The following KIF3C variants were observed in gnomAD, a reference collection of about 807,000 sequenced individuals.
The protein encoded by KIF3C is kinesin-like protein KIF3C.
In KIF3C, 12 loss-of-function variants were observed where a neutral mutation model predicts 67.7. The observed-to-expected ratio is 0.18, with a 90% CI of 0.11 to 0.29. The LOEUF (loss-of-function observed/expected upper bound fraction) is 0.29. KIF3C is among the 10% of genes least tolerant of loss of function. The pLI is 1.00. For missense variants in KIF3C, 789 were observed against 1,059.6 expected, an observed-to-expected ratio of 0.74 and a Z score of 3.55; for synonymous variants, 393 against 426.2, an observed-to-expected ratio of 0.92 and a Z score of 0.96.
In KIF3C at chr2:25,969,724, G is replaced by T. The variant is rs7566685; in HGVS notation, c.1545+10649C>A. 2.4e-3 allele frequency among the ~76,000 whole-genome samples: 225 copies of T among 95,300 alleles called. 2 individuals are homozygous for T. Among genetic ancestry groups the T allele is most frequent in the African/African-American group, 4.5e-3 (109 of 24,176 alleles). The allele number at this position is 95,300 out of a possible 152,430, so 62.5% of individuals were successfully genotyped here. On this transcript the variant is annotated intron_variant, in intron 1 of 7. Coordinates refer to ENST00000264712, the MANE Select transcript of KIF3C (RefSeq NM_002254.8). ...ACTTAAAAAGATTTGTTGGGTTTTTGTTTTTTTTTTTTAAGACAGAGTCTC... is the reference window on the plus strand; with the variant it reads ...ACTTAAAAAGATTTGTTGGGTTTTTTTTTTTTTTTTTTAAGACAGAGTCTC...
At chr2:25,967,326 G>C (rs1386838455) in intron 1 of KIF3C, among the ~76,000 whole-genome samples, 1 of 152,130 alleles carries the variant, frequency 6.6e-6, no homozygotes, top group Non-Finnish European at 1.5e-5. Context: ...TGTGGGAAGG[G>C]CCCCTGCACA....
chr2:25,959,721 T>G (rs963283882), intron 1 of KIF3C, among the ~76,000 whole-genome samples: 2 of 152,102 alleles, frequency 1.3e-5, no homozygotes, highest in African/African-American at 4.8e-5. Context: ...ATTACAGGTG[T>G]GAGCCACTGC....
Position 25,930,038 on chromosome 2 carries a change from G to C in KIF3C, c.2032C>G (p.Pro678Ala). The C allele has an allele frequency of 6.2e-7, 1 of 1,614,070 alleles. No individual in the cohort carries two copies. Among genetic ancestry groups the C allele is most frequent in the Non-Finnish European group, 8.5e-7 (1 of 1,179,916 alleles). The change falls in exon 6 of 8, where the codon CCA becomes GCA. Residue 678 changes from proline to alanine, a missense_variant. By Grantham distance (27) the Pro-to-Ala change is conservative. Coordinates refer to ENST00000264712, the MANE Select transcript of KIF3C (RefSeq NM_002254.8). ...GVSSSQMKKR[P>A]TSAVGYKRPI... ...CTCTTGTAGCCCACTGCAGATGTTGGCCGCTTCTTCATCTGGCTGCTACTG... is the reference window on the plus strand; with the variant it reads ...CTCTTGTAGCCCACTGCAGATGTTGCCCGCTTCTTCATCTGGCTGCTACTG...
At chr2:25,929,615 T>TC in intron 6 of KIF3C, 138 bp from the exon 7 acceptor site, 1 of 651,142 alleles carries the variant, frequency 1.5e-6, no homozygotes. Flanking sequence ...TCCCATAGGC[T>TC]CTTTTTTTTT....
intron 5 of KIF3C, among the ~76,000 whole-genome samples, chr2:25,935,254 AAAT>A (rs1383693872): frequency 6.6e-6 from 1 of 151,920 alleles, no homozygotes; most frequent in Non-Finnish European, 1.5e-5. Context: ...AAAAAAAAAT[AAAT>A]AATAAAATTT....
chr2:25,953,223 T>G (rs1663681396), intron 4 of KIF3C, among the ~76,000 whole-genome samples: 1 of 150,760 alleles, frequency 6.6e-6, no homozygotes, highest in African/African-American at 2.4e-5. Flanking sequence ...GAGCCAAGAC[T>G]GCACCACTGC....
intron 1 of KIF3C, among the ~76,000 whole-genome samples, chr2:25,963,020 A>ATATATAAT (rs1242526812): frequency 3.2e-5 from 1 of 31,542 alleles, no homozygotes; most frequent in African/African-American, 2.2e-4. Context: ...TAATATATAT[A>ATATATAAT]ATATATAATA....
chr2:25,946,336 C>T (rs1663432033), intron 5 of KIF3C, among the ~76,000 whole-genome samples: 1 of 151,944 alleles, frequency 6.6e-6, no homozygotes, highest in African/African-American at 2.4e-5. Context: ...GGGCGGATCA[C>T]TTGAGATCAG....
At chr2:25,970,843 C>T (rs1664263382) in intron 1 of KIF3C, among the ~76,000 whole-genome samples, 1 of 151,140 alleles carries the variant, frequency 6.6e-6, no homozygotes, top group Non-Finnish European at 1.5e-5. Flanking sequence ...TAGCTCAGCC[C>T]GGCAGGGCAT....
chr2:25,928,824 C>A lies in KIF3C; in HGVS notation c.*154G>T. The A allele has an allele frequency of 1.6e-6, 1 of 612,144 alleles. No homozygotes were observed. Among genetic ancestry groups the A allele is most frequent in the Non-Finnish European group, 2.9e-6 (1 of 347,590 alleles). 37.9% of individuals were successfully genotyped at this position (612,144 alleles called of 1,614,324 possible). On this transcript the variant is annotated 3_prime_UTR_variant, in exon 8 of 8. Coordinates refer to ENST00000264712, the MANE Select transcript of KIF3C (RefSeq NM_002254.8). ...ATTAAATAAAGGAGGCGAAGAAGAG[C>A]AGGCAGAGGCACCATCTGCCAGATT...
At chr2:25,975,875 G>A (rs994836496) in intron 1 of KIF3C, among the ~76,000 whole-genome samples, 2 of 151,932 alleles carry the variant, frequency 1.3e-5, no homozygotes, top group Admixed American at 6.6e-5. Context: ...GTAGAATGGC[G>A]TGAACTCAGA....
Position 25,981,043 on chromosome 2 carries a change from T to G in KIF3C, c.875A>C (p.Lys292Thr). 1 of 1,614,180 alleles carries G rather than the reference T, an allele frequency of 6.2e-7. No individual in the cohort carries two copies. Among genetic ancestry groups the G allele is most frequent in the Non-Finnish European group, 8.5e-7 (1 of 1,180,026 alleles). The change falls in exon 1 of 8, where the codon AAA becomes ACA. Residue 292 changes from lysine (K) to threonine (T), a missense_variant. Transcript: ENST00000264712. This position sits in a 1 kb window ranked among gnomAD's most constrained non-coding sequence, Gnocchi z 8.2. ...CAGGGCAGATAATGAGAGGTTGATT[T>G]TGGAGGCTTCCTTAGGCCTCTCTCC... ...AGGERPKEASKINLSLSALGN... is the reference protein window; with the variant it reads ...AGGERPKEASTINLSLSALGN...
At chr2:25,964,410 G>C (rs192261306) in intron 1 of KIF3C, among the ~76,000 whole-genome samples, 136 of 152,220 alleles carry the variant, frequency 8.9e-4, no homozygotes, top group Non-Finnish European at 1.6e-3. Flanking sequence ...CTTTGTGGAG[G>C]CCTGAGCTTT....
chr2:25,951,953 CCA>C, intron 4 of KIF3C, 48 bp from the exon 5 acceptor site: 1 of 1,257,750 alleles, frequency 8.0e-7, no homozygotes, highest in Non-Finnish European at 1.2e-6. Flanking sequence ...GAGCGAGAGA[CCA>C]CGTGGTGCAT....
chr2:25,940,622 C>T (rs1663257973), intron 5 of KIF3C, among the ~76,000 whole-genome samples: 1 of 147,008 alleles, frequency 6.8e-6, no homozygotes, highest in African/African-American at 2.5e-5. Context: ...TAGTAAGTGG[C>T]AGAGCAGGGG....
At chr2:25,968,912 C>A (rs1664210200) in intron 1 of KIF3C, among the ~76,000 whole-genome samples, 1 of 152,128 alleles carries the variant, frequency 6.6e-6, no homozygotes, top group Non-Finnish European at 1.5e-5. Flanking sequence ...CAACATCCGC[C>A]TTCCGGGTTC....
At chr2:25,947,092 T>C (rs915795091) in intron 5 of KIF3C, among the ~76,000 whole-genome samples, 1 of 151,400 alleles carries the variant, frequency 6.6e-6, no homozygotes, top group African/African-American at 2.4e-5. Context: ...GAGGTGGAGG[T>C]TGAAATGAGC....
intron 1 of KIF3C, among the ~76,000 whole-genome samples, chr2:25,975,679 C>G (rs1158380998): frequency 6.6e-6 from 1 of 152,150 alleles, no homozygotes; most frequent in Non-Finnish European, 1.5e-5. Context: ...AACAATAAGG[C>G]CAGGTGCAGT....
chr2:25,951,472 C>T, intron 5 of KIF3C: 1 of 295,594 alleles, frequency 3.4e-6, no homozygotes, highest in South Asian at 4.2e-5. Flanking sequence ...TGAATATTCA[C>T]CAGACCTGGC....
Sources: allele counts gnomAD v4.1 joint callset (sites outside exome capture counted in the v4.1 genomes callset), GRCh38; gene constraint gnomAD v4.1.1; non-coding constraint Gnocchi (gnomAD v3.1); transcripts MANE v1.5; gene names NCBI Gene and HGNC (gene_info 2026-07-23, HGNC 2026-07-21).